Variants in LRRFIP1 observed in about 807,000 individuals in gnomAD.
LRRFIP1 encodes the protein leucine-rich repeat flightless-interacting protein 1.
Under a neutral mutation model 104.4 loss-of-function variants are expected in LRRFIP1, and 62 were observed. The observed-to-expected ratio is 0.59, with a 90% CI of 0.48 to 0.73. The LOEUF is 0.73. LRRFIP1 is among the 30% of genes least tolerant of loss of function. The pLI, the probability that LRRFIP1 is intolerant of heterozygous loss-of-function variation, is 0.00. For missense variants in LRRFIP1, 796 were observed against 824.5 expected (o/e 0.97, Z 0.42); for synonymous variants, 300 against 299.0 (o/e 1.00, Z -0.03).
intron 1 of LRRFIP1, among the ~76,000 whole-genome samples, chr2:237,668,792 A>C (rs1340995663): frequency 2.0e-5 from 3 of 152,256 alleles, no homozygotes; most frequent in Admixed American, 2.0e-4. Flanking sequence ...TTGCTGAAAG[A>C]AAATATTTAT....
chr2:237,769,920 C>T, intron 19 of LRRFIP1, 23 bp from the exon 20 acceptor site: 1 of 1,580,736 alleles, frequency 6.3e-7, no homozygotes, highest in Non-Finnish European at 8.6e-7. Flanking sequence ...TCACCTAAAC[C>T]TGTGTCTTTG....
intron 18 of LRRFIP1, among the ~76,000 whole-genome samples, chr2:237,759,348 TG>T (rs1046222984): frequency 6.6e-6 from 1 of 151,684 alleles, no homozygotes; most frequent in South Asian, 2.1e-4. Flanking sequence ...GCACTCTGGG[TG>T]GGGGGGTTCC....
At chr2:237,762,673 T>C in intron 19 of LRRFIP1, 1 of 1,614,028 alleles carries the variant, frequency 6.2e-7, no homozygotes, top group Non-Finnish European at 8.5e-7. Flanking sequence ...TCTTGCACAA[T>C]ACTGAGAAAG....
rs1182132360 is a variant in LRRFIP1, at chr2:237,753,388, T to A, written c.947T>A (p.Phe316Tyr). 3.7e-6 allele frequency: 6 copies of A among 1,606,142 alleles called. No homozygotes were observed. The highest frequency in any genetic ancestry group is 1.6e-4 in the Middle Eastern group (1 of 6,068). The change falls in exon 15 of 24, where the codon TTC (phenylalanine) becomes TAC (tyrosine). Residue 316 changes from phenylalanine (F) to tyrosine (Y), a missense_variant. Physicochemically the swap from Phe to Tyr is conservative, Grantham distance 22. Transcript: ENST00000308482. ...CAGCTAGACAATGAAAAGACAAACTTCATGTACCAGGTTGATACCCTAAAA... is the reference window on the plus strand; with the variant it reads ...CAGCTAGACAATGAAAAGACAAACTACATGTACCAGGTTGATACCCTAAAA... ...NAQLDNEKTNFMYQVDTLKDM... is the reference protein window; with the variant it reads ...NAQLDNEKTNYMYQVDTLKDM...
At chr2:237,747,195 G>A (rs891841847) in intron 11 of LRRFIP1, among the ~76,000 whole-genome samples, 1 of 152,208 alleles carries the variant, frequency 6.6e-6, no homozygotes, top group Non-Finnish European at 1.5e-5. Context: ...TGGATTAACC[G>A]AGTATTTTGT....
At chr2:237,641,412 G>T (rs1052857588) in intron 1 of LRRFIP1, among the ~76,000 whole-genome samples, 1 of 150,192 alleles carries the variant, frequency 6.7e-6, no homozygotes, top group Non-Finnish European at 1.5e-5. Context: ...CAGGAGAATC[G>T]CTTGAACCCA....
Position 237,780,190 on chromosome 2 carries a change from T to C in LRRFIP1, c.*658T>C, listed in dbSNP as rs1360527398. 1 of 152,222 alleles carries C rather than the reference T, an allele frequency of 6.6e-6. No individual in the cohort carries two copies. The highest frequency in any genetic ancestry group is 1.5e-5 in the Non-Finnish European group (1 of 68,048). 9.4% of individuals were successfully genotyped at this position (152,222 alleles called of 1,614,324 possible). ...ACTTTTTTCCAGGGTAATTAGGCAA[T>C]AGCTTCACTGAAAATGACAGCTTTT... On this transcript the variant is annotated 3_prime_UTR_variant, in exon 24 of 24. Coordinates refer to ENST00000308482, the MANE Select transcript of LRRFIP1 (RefSeq NM_001137550.2).
At position 237,762,896 on chromosome 2, in the gene LRRFIP1, G is replaced by C; in HGVS notation, c.1459+2691G>C. The C allele has an allele frequency of 1.9e-6, 3 of 1,614,138 alleles. No individual in the cohort carries two copies. The highest frequency in any genetic ancestry group is 1.7e-6 in the Non-Finnish European group (2 of 1,180,020). ...ACAGGTTGAGTCAAATGAGGTCATG[G>C]GTGCACCAGATGACAGGACCAGAAC... On this transcript the variant is annotated intron_variant, in intron 19 of 23. Transcript: ENST00000308482.
intron 1 of LRRFIP1, among the ~76,000 whole-genome samples, chr2:237,676,940 G>C (rs1032913744): frequency 6.6e-6 from 1 of 152,184 alleles, no homozygotes; most frequent in Non-Finnish European, 1.5e-5. Flanking sequence ...CCTGTTTTCT[G>C]GGGAAACTCT....
At chr2:237,756,321 C>T in intron 16 of LRRFIP1, 134 bp downstream of exon 16, 4 of 665,066 alleles carry the variant, frequency 6.0e-6, no homozygotes, top group Non-Finnish European at 1.0e-5. Context: ...AATTAATTTT[C>T]TTACAATTCT....
rs200038179 is a variant in LRRFIP1, at chr2:237,762,728, G to A, written c.1459+2523G>A. ...AGTGAAGGACTGTGTGGACATAGAGGTATTCCCTGCTGGTGAGAATACCGA... is the reference window on the plus strand; with the variant it reads ...AGTGAAGGACTGTGTGGACATAGAGATATTCCCTGCTGGTGAGAATACCGA... On this transcript the variant is annotated intron_variant, in intron 19 of 23. Coordinates refer to ENST00000308482, the MANE Select transcript of LRRFIP1 (RefSeq NM_001137550.2). 7 of 1,614,082 alleles carry A rather than the reference G, an allele frequency of 4.3e-6. No homozygotes were observed. The African/African-American group carries it at 8.0e-5, about 18-fold the overall frequency.
chr2:237,648,436 A>T (rs925897656), intron 1 of LRRFIP1, among the ~76,000 whole-genome samples: 1 of 151,868 alleles, frequency 6.6e-6, no homozygotes, highest in Non-Finnish European at 1.5e-5. Context: ...GTATAACAAG[A>T]TGCCTCACGG....
intron 1 of LRRFIP1, among the ~76,000 whole-genome samples, chr2:237,669,895 G>A (rs1214923959): frequency 6.6e-6 from 1 of 152,292 alleles, no homozygotes; most frequent in East Asian, 1.9e-4. Flanking sequence ...GTGGCATAGA[G>A]CCTCGCACGT....
intron 1 of LRRFIP1, among the ~76,000 whole-genome samples, chr2:237,700,385 A>G (rs1174011300): frequency 1.3e-5 from 2 of 152,102 alleles, no homozygotes; most frequent in Admixed American, 6.5e-5. Context: ...CGGCTGCATC[A>G]TATTCCTGTC....
At chr2:237,720,657 C>A in intron 5 of LRRFIP1, 115 bp from the exon 6 acceptor site, 1 of 840,932 alleles carries the variant, frequency 1.2e-6, no homozygotes, top group Admixed American at 1.8e-5. Flanking sequence ...GTGGCTGGCC[C>A]CCTCACTGCT....
In LRRFIP1 at chr2:237,769,987, G is replaced by T; in HGVS notation, c.1504G>T (p.Glu502Ter). The part of the protein sequence containing the change: ...KLVDERECLL[E>*]QIKKLKGQLE... ...GGTTGATGAACGGGAATGCTTATTG[G>T]AACAGGTAACAATCTTTTTATTACT... The change falls in exon 20 of 24, where the codon GAA becomes TAA. Residue 502 changes from glutamate to a stop codon, truncating the protein, a stop_gained. Coordinates refer to ENST00000308482, the MANE Select transcript of LRRFIP1 (RefSeq NM_001137550.2). LOFTEE classifies it high-confidence loss of function. 1 of 1,602,774 alleles carries T rather than the reference G, an allele frequency of 6.2e-7. No individual in the cohort carries two copies. Among genetic ancestry groups the T allele is most frequent in the South Asian group, 1.1e-5 (1 of 89,188 alleles).
intron 17 of LRRFIP1, among the ~76,000 whole-genome samples, chr2:237,758,259 C>CAT (rs2059495741): frequency 6.7e-6 from 1 of 149,716 alleles, no homozygotes; most frequent in Non-Finnish European, 1.5e-5. Flanking sequence ...CATGCACGCA[C>CAT]ACTTTAGGAC....
chr2:237,756,252 CTA>C, intron 16 of LRRFIP1, 65 bp downstream of exon 16: 1 of 1,192,752 alleles, frequency 8.4e-7, no homozygotes, highest in Non-Finnish European at 1.2e-6. Flanking sequence ...CAGGCCATGA[CTA>C]TCTTAGCTTA....
intron 5 of LRRFIP1, 97 bp downstream of exon 5, chr2:237,719,664 T>A (rs540283834): frequency 9.6e-5 from 72 of 751,980 alleles, no homozygotes; most frequent in Middle Eastern, 3.5e-4. Flanking sequence ...AATCTCTTAA[T>A]GATGATATCA....
Sources: allele counts gnomAD v4.1 joint callset (sites outside exome capture counted in the v4.1 genomes callset), GRCh38; gene constraint gnomAD v4.1.1; transcripts MANE v1.5; gene names NCBI Gene and HGNC (gene_info 2026-07-23, HGNC 2026-07-21).